Variants in GALNTL6 observed in about 807,000 individuals in gnomAD.
GALNTL6 encodes the protein polypeptide N-acetylgalactosaminyltransferase like 6, also known as polypeptide N-acetylgalactosaminyltransferase-like 6.
In GALNTL6, 46 loss-of-function variants were observed where a neutral mutation model predicts 73.7. That is an observed-to-expected ratio of 0.62 (90% confidence interval 0.49 to 0.80). The LOEUF (loss-of-function observed/expected upper bound fraction) is 0.80, where lower values mean the gene tolerates loss of function less well. GALNTL6 is among the 30% of genes least tolerant of loss of function. The pLI is 0.00. For synonymous variants in GALNTL6, 259 were observed against 263.7 expected, an observed-to-expected ratio of 0.98 and a Z score of 0.17; for missense variants, 604 against 755.0, an observed-to-expected ratio of 0.80 and a Z score of 2.34.
intron 7 of GALNTL6, among the ~76,000 whole-genome samples, chr4:172,845,367 A>G (rs539711432): frequency 5.3e-5 from 8 of 152,180 alleles, no homozygotes; most frequent in Non-Finnish European, 1.2e-4. Flanking sequence ...CCAGGAACAC[A>G]GCATTTTGTG....
At chr4:173,007,454 T>A (rs867648974) in intron 10 of GALNTL6, among the ~76,000 whole-genome samples, 7 of 152,232 alleles carry the variant, frequency 4.6e-5, no homozygotes, top group Admixed American at 1.3e-4. Context: ...TATCCATCTC[T>A]GCTACAGGCT....
chr4:172,389,418 G>A (rs1333282130), intron 5 of GALNTL6, among the ~76,000 whole-genome samples: 2 of 152,016 alleles, frequency 1.3e-5, no homozygotes, highest in East Asian at 3.8e-4. Flanking sequence ...TTAATGAATG[G>A]TCAAATGCTT....
At chr4:172,027,259 C>T (rs553940574) in intron 2 of GALNTL6, among the ~76,000 whole-genome samples, 34 of 152,268 alleles carry the variant, frequency 2.2e-4, no homozygotes, top group South Asian at 1.4e-3. Context: ...TTTGCTGCAA[C>T]CCTGTGTGGA....
intron 2 of GALNTL6, among the ~76,000 whole-genome samples, chr4:171,876,104 T>C (rs1736269042): frequency 6.6e-6 from 1 of 152,178 alleles, no homozygotes; most frequent in Non-Finnish European, 1.5e-5. Flanking sequence ...TGAGATTCTT[T>C]TTGATTTTCT....
At chr4:172,689,995 T>C (rs560828014) in intron 5 of GALNTL6, among the ~76,000 whole-genome samples, 85 of 152,248 alleles carry the variant, frequency 5.6e-4, no homozygotes, top group African/African-American at 2.0e-3. Flanking sequence ...ACTTCAGAGG[T>C]ATAAGGTATA....
At chr4:172,999,577 CAT>C (rs1368293333) in intron 10 of GALNTL6, among the ~76,000 whole-genome samples, 1 of 152,022 alleles carries the variant, frequency 6.6e-6, no homozygotes, top group African/African-American at 2.4e-5. Flanking sequence ...TAGATAAGAG[CAT>C]ATACCCAAAT....
At chr4:172,611,417 C>T (rs553963472) in intron 5 of GALNTL6, among the ~76,000 whole-genome samples, 47 of 152,068 alleles carry the variant, frequency 3.1e-4, no homozygotes, top group African/African-American at 1.1e-3. Flanking sequence ...TAGTTTTTCT[C>T]CTTTGCTTAG....
At chr4:171,950,032 C>T (rs527379281) in intron 2 of GALNTL6, among the ~76,000 whole-genome samples, 1 of 152,168 alleles carries the variant, frequency 6.6e-6, no homozygotes, top group South Asian at 2.1e-4. Flanking sequence ...AAACAGAGTA[C>T]CAAAGATCTG....
intron 5 of GALNTL6, among the ~76,000 whole-genome samples, chr4:172,617,724 A>G (rs1018738504): frequency 5.3e-5 from 8 of 151,334 alleles, no homozygotes; most frequent in Non-Finnish European, 1.0e-4. Context: ...CTCATGATCT[A>G]CCCGCCTCGG....
At chr4:172,239,281 T>A (rs1172010377) in intron 3 of GALNTL6, among the ~76,000 whole-genome samples, 1 of 152,190 alleles carries the variant, frequency 6.6e-6, no homozygotes, top group Admixed American at 6.5e-5. Flanking sequence ...AATCAATTAT[T>A]GGTCTATTCA....
At chr4:172,207,897 T>G (rs1736195021) in intron 2 of GALNTL6, among the ~76,000 whole-genome samples, 1 of 152,224 alleles carries the variant, frequency 6.6e-6, no homozygotes, top group African/African-American at 2.4e-5. Context: ...TAAAATTGAT[T>G]TAGAATATAT....
At chr4:172,300,461 A>G (rs1008772767) in intron 3 of GALNTL6, among the ~76,000 whole-genome samples, 1 of 152,116 alleles carries the variant, frequency 6.6e-6, no homozygotes, top group African/African-American at 2.4e-5. Flanking sequence ...GTTTCTTCCT[A>G]CCATTGATGG....
At chr4:171,905,796 T>C (rs527683982) in intron 2 of GALNTL6, among the ~76,000 whole-genome samples, 231 of 151,800 alleles carry the variant, frequency 1.5e-3, no homozygotes, top group Admixed American at 3.1e-3. Flanking sequence ...ACACTATCTC[T>C]CAGACCACAG....
rs866725161 is a variant in GALNTL6, at chr4:172,821,894, A to G, written c.923+8171A>G. On this transcript the variant is annotated intron_variant, in intron 7 of 12. Coordinates refer to ENST00000506823, the MANE Select transcript of GALNTL6 (RefSeq NM_001034845.3). ...TCCAAAGCAAAGTTGTAAATTACCC[A>G]TCTCTCCTTTTGAAGCCCCCTCCCC... is the stretch of plus-strand genomic sequence containing the variant. Among the ~76,000 whole-genome samples, 3 of 152,166 alleles carry G rather than the reference A, an allele frequency of 2.0e-5. No homozygotes were observed. The East Asian group carries it at 5.8e-4, about 29-fold the overall frequency.
chr4:172,609,330 T>G (rs778902652), intron 5 of GALNTL6, among the ~76,000 whole-genome samples: 4 of 152,190 alleles, frequency 2.6e-5, no homozygotes, highest in Non-Finnish European at 4.4e-5. Context: ...CAATGCCTAC[T>G]TTGTTGAGAA....
At chr4:172,464,275 G>T (rs1350630624) in intron 5 of GALNTL6, among the ~76,000 whole-genome samples, 1 of 152,058 alleles carries the variant, frequency 6.6e-6, no homozygotes, top group African/African-American at 2.4e-5. Context: ...CAGAACAGGG[G>T]TAATAATAAT....
At chr4:172,542,572 G>C (rs1391860268) in intron 5 of GALNTL6, among the ~76,000 whole-genome samples, 1 of 152,096 alleles carries the variant, frequency 6.6e-6, no homozygotes. Flanking sequence ...ATTCCTGGTG[G>C]GGGAGGGGAG....
At chr4:171,937,541 TC>T (rs150056377) in intron 2 of GALNTL6, among the ~76,000 whole-genome samples, 6,429 of 152,234 alleles carry the variant, frequency 0.042, 391 homozygotes, top group African/African-American at 0.13. Context: ...CCCTTATGTT[TC>T]TAGGCCTTTA....
chr4:172,430,223 T>C (rs1357604157), intron 5 of GALNTL6, among the ~76,000 whole-genome samples: 1 of 152,016 alleles, frequency 6.6e-6, no homozygotes, highest in Non-Finnish European at 1.5e-5. Context: ...CTGATGAATC[T>C]GACACAGACT....
Sources: gnomAD v4.1 joint callset for allele counts (sites outside exome capture counted in the v4.1 genomes callset) on GRCh38, gnomAD v4.1.1 for gene constraint, MANE v1.5 for transcripts, NCBI Gene and HGNC (gene_info 2026-07-23, HGNC 2026-07-21) for gene names.